TBC1D12: variants seen among roughly 807,000 people sequenced by gnomAD.
TBC1D12 encodes the protein TBC1 domain family member 12.
TBC1D12 carries 56 observed loss-of-function variants against 86.7 expected under a neutral mutation model. That is an observed-to-expected ratio of 0.65 (90% CI 0.52 to 0.81). The LOEUF (loss-of-function observed/expected upper bound fraction) is 0.81, where lower values mean the gene tolerates loss of function less well. TBC1D12 is among the 30% of genes least tolerant of loss of function. The pLI is 0.00. For missense variants in TBC1D12, 1,023 were observed against 1,038.8 expected (o/e 0.98, Z 0.21); for synonymous variants, 421 against 411.7 (o/e 1.02, Z -0.27).
At chr10:94,507,103 T>C (rs550144599) in intron 6 of TBC1D12, among the ~76,000 whole-genome samples, 164 bp from the exon 7 acceptor site, 2 of 152,366 alleles carry the variant, frequency 1.3e-5, no homozygotes, top group South Asian at 4.1e-4. Context: ...TCTGAGTATA[T>C]AATGAATAGT....
intron 9 of TBC1D12, among the ~76,000 whole-genome samples, chr10:94,517,505 T>C (rs79970359): frequency 6.6e-6 from 1 of 152,204 alleles, no homozygotes; most frequent in Non-Finnish European, 1.5e-5. Flanking sequence ...GAATATGTTT[T>C]AAATATTTTT....
intron 9 of TBC1D12, 117 bp from the exon 10 acceptor site, chr10:94,521,838 A>G (rs1377264840): frequency 2.2e-6 from 2 of 929,578 alleles, no homozygotes; most frequent in African/African-American, 3.3e-5. Context: ...AGGAAAAAAG[A>G]AATCTTGGTT....
At chr10:94,532,808 A>G (rs1327321126) in intron 12 of TBC1D12, among the ~76,000 whole-genome samples, 2 of 152,162 alleles carry the variant, frequency 1.3e-5, no homozygotes, top group African/African-American at 4.8e-5. Context: ...ATGTTATGTT[A>G]CCAAATAGTA....
chr10:94,454,441 C>T (rs1408108261), intron 2 of TBC1D12, among the ~76,000 whole-genome samples: 1 of 152,160 alleles, frequency 6.6e-6, no homozygotes, highest in Non-Finnish European at 1.5e-5. Context: ...GAACTCCTGA[C>T]CTCAGGTTAT....
intron 3 of TBC1D12, among the ~76,000 whole-genome samples, chr10:94,489,967 G>T (rs1182389381): frequency 6.6e-6 from 1 of 152,144 alleles, no homozygotes; most frequent in Non-Finnish European, 1.5e-5. Context: ...GCAAGAATTG[G>T]CTGGGTGCGG....
In TBC1D12 at chr10:94,493,318, GTTAATC is replaced by G. The variant is rs776076636; in HGVS notation, c.1212-44_1212-39del. ...AAACAAATAAGTTAGTAAGTTGAAA[GTTAATC>G]TTTTAAAAATTGTCTTGACTTAAGT... On this transcript the variant is annotated intron_variant, in intron 3 of 12. Coordinates refer to ENST00000225235, the MANE Select transcript of TBC1D12 (RefSeq NM_015188.2). 3 of 1,444,020 alleles carry G rather than the reference GTTAATC, an allele frequency of 2.1e-6. No individual in the cohort carries two copies. In the South Asian group the frequency reaches 3.6e-5, roughly 17 times the overall value. The allele number at this position is 1,444,020 out of a possible 1,614,324, so 89.5% of individuals were successfully genotyped here. A position where few individuals can be genotyped will look rare whatever the true frequency, so the allele number is the denominator to read the frequency against.
chr10:94,494,248 A>G (rs1237396515), intron 4 of TBC1D12, among the ~76,000 whole-genome samples: 2 of 152,176 alleles, frequency 1.3e-5, no homozygotes, highest in Non-Finnish European at 2.9e-5. Flanking sequence ...GGATAAACAT[A>G]CATTTTTAGA....
chr10:94,444,344 GA>G (rs1345916408), intron 2 of TBC1D12, among the ~76,000 whole-genome samples: 1 of 151,512 alleles, frequency 6.6e-6, no homozygotes, highest in African/African-American at 2.4e-5. Context: ...GAGTTACTGT[GA>G]AAAAAATCAG....
At chr10:94,501,096 G>GAATA (rs35244809) in intron 6 of TBC1D12, among the ~76,000 whole-genome samples, 54,239 of 148,696 alleles carry the variant, frequency 0.36, 10,325 homozygotes, top group East Asian at 0.69. Flanking sequence ...ATGAATGAAT[G>GAATA]AATAAATAAA....
At chr10:94,496,433 T>C (rs2056322303) in intron 4 of TBC1D12, among the ~76,000 whole-genome samples, 1 of 152,172 alleles carries the variant, frequency 6.6e-6, no homozygotes, top group Non-Finnish European at 1.5e-5. Context: ...AAACACCATA[T>C]TAAAAAGAGT....
At chr10:94,489,975 C>T (rs557544095) in intron 3 of TBC1D12, among the ~76,000 whole-genome samples, 3 of 152,218 alleles carry the variant, frequency 2.0e-5, no homozygotes, top group East Asian at 1.9e-4. Flanking sequence ...TGGCTGGGTG[C>T]GGTGGCTCAC....
intron 1 of TBC1D12, among the ~76,000 whole-genome samples, chr10:94,409,624 C>A (rs1290634811): frequency 6.6e-6 from 1 of 152,062 alleles, no homozygotes; most frequent in Admixed American, 6.6e-5. Flanking sequence ...GATCTGCCCG[C>A]TTTGGCCTTT....
At chr10:94,450,668 T>C (rs2055536826) in intron 2 of TBC1D12, among the ~76,000 whole-genome samples, 1 of 152,076 alleles carries the variant, frequency 6.6e-6, no homozygotes, top group African/African-American at 2.4e-5. Flanking sequence ...TGGACATTTA[T>C]CCATACAAAA....
intron 1 of TBC1D12, among the ~76,000 whole-genome samples, chr10:94,404,853 C>G (rs901924442): frequency 1.3e-5 from 2 of 151,928 alleles, no homozygotes; most frequent in African/African-American, 4.8e-5. Flanking sequence ...TCGAGACCAG[C>G]CTGGCCAACA....
chr10:94,495,797 CA>C (rs1418116943), intron 4 of TBC1D12, among the ~76,000 whole-genome samples: 1 of 151,556 alleles, frequency 6.6e-6, no homozygotes, highest in Admixed American at 6.6e-5. Context: ...ATACATAAAA[CA>C]AATAAAAGAA....
chr10:94,411,772 A>T (rs1298089733), intron 1 of TBC1D12, among the ~76,000 whole-genome samples: 2 of 152,132 alleles, frequency 1.3e-5, no homozygotes, highest in East Asian at 3.9e-4. Flanking sequence ...TGCCTAGGCA[A>T]CATAGTGAGA....
chr10:94,504,429 T>C (rs1223354236), intron 6 of TBC1D12, among the ~76,000 whole-genome samples: 1 of 152,238 alleles, frequency 6.6e-6, no homozygotes, highest in Non-Finnish European at 1.5e-5. Flanking sequence ...CATTTATGTA[T>C]TCAAGAATGG....
intron 2 of TBC1D12, chr10:94,447,518 C>A: frequency 2.8e-6 from 2 of 702,560 alleles, no homozygotes; most frequent in Non-Finnish European, 3.5e-6. Context: ...ACATAAAAAA[C>A]GTTTTAGGAT....
At position 94,476,350 on chromosome 10, in the gene TBC1D12, A is replaced by T. The variant is rs141083664; in HGVS notation, c.1211+1567A>T. Reference sequence around the variant, plus strand: ...CTCATACTAAAGAATTGTGGTCCCAATGCTCCTCTTTTAGGATTTGATGAA... The same window carrying T: ...CTCATACTAAAGAATTGTGGTCCCATTGCTCCTCTTTTAGGATTTGATGAA... On this transcript the variant is annotated intron_variant, in intron 3 of 12. Transcript: ENST00000225235. Among the ~76,000 whole-genome samples the T allele has an allele frequency of 3.3e-5, 5 of 152,286 alleles. No homozygotes were observed. The South Asian group carries it at 8.3e-4, about 25-fold the overall frequency.
Sources: allele counts gnomAD v4.1 joint callset (sites outside exome capture counted in the v4.1 genomes callset), GRCh38; gene constraint gnomAD v4.1.1; transcripts MANE v1.5; gene names NCBI Gene and HGNC (gene_info 2026-07-23, HGNC 2026-07-21).